Variants in GPC5 observed in about 807,000 individuals in gnomAD.
The protein encoded by GPC5 is glypican-5.
A neutral mutation model predicts 53.9 loss-of-function variants in GPC5; 47 were observed. That is an observed-to-expected ratio of 0.87 (90% CI 0.69 to 1.11). GPC5 has a LOEUF of 1.11. Ranked by LOEUF, GPC5 falls within the 50% of genes most tolerant of loss-of-function variation. The pLI, the probability that GPC5 is intolerant of heterozygous loss-of-function variation, is 0.00. For missense variants in GPC5, 748 were observed against 713.1 expected (o/e 1.05, Z -0.56); for synonymous variants, 286 against 263.3 (o/e 1.09, Z -0.84).
chr13:91,901,506 G>A (rs766552522), intron 5 of GPC5, among the ~76,000 whole-genome samples: 3 of 151,984 alleles, frequency 2.0e-5, no homozygotes, highest in Non-Finnish European at 2.9e-5. Context: ...TTTCAACATA[G>A]AGAAAAAGTG....
At chr13:92,150,036 C>T (rs983141036) in intron 7 of GPC5, among the ~76,000 whole-genome samples, 3 of 151,834 alleles carry the variant, frequency 2.0e-5, no homozygotes, top group African/African-American at 7.2e-5. Context: ...ATTCAGCTTA[C>T]TTTGTAAACT....
At chr13:92,245,426 A>C (rs11618010) in intron 7 of GPC5, among the ~76,000 whole-genome samples, 184 of 152,296 alleles carry the variant, frequency 1.2e-3, no homozygotes, top group Non-Finnish European at 2.3e-3. Flanking sequence ...TCTAAGAATA[A>C]GTTCGAAAAG....
chr13:92,749,285 A>T (rs781647148), intron 7 of GPC5, among the ~76,000 whole-genome samples: 1 of 152,158 alleles, frequency 6.6e-6, no homozygotes, highest in Non-Finnish European at 1.5e-5. Flanking sequence ...TTTTTTCAAT[A>T]TATTATGTAT....
At chr13:91,889,746 G>A (rs1348422871) in intron 5 of GPC5, among the ~76,000 whole-genome samples, 1 of 152,108 alleles carries the variant, frequency 6.6e-6, no homozygotes, top group Non-Finnish European at 1.5e-5. Flanking sequence ...CAAGGAATTT[G>A]CCAAGCCCTG....
chr13:92,163,306 C>A (rs932668367), intron 7 of GPC5, among the ~76,000 whole-genome samples: 1 of 151,866 alleles, frequency 6.6e-6, no homozygotes, highest in Non-Finnish European at 1.5e-5. Context: ...AGTAAAAATA[C>A]AGACCTCAGC....
intron 6 of GPC5, among the ~76,000 whole-genome samples, chr13:91,960,554 A>G (rs1170779624): frequency 6.6e-6 from 1 of 152,040 alleles, no homozygotes; most frequent in Non-Finnish European, 1.5e-5. Flanking sequence ...TAGAAATAGA[A>G]AAACAACTCT....
chr13:91,937,143 C>T (rs570260436), intron 6 of GPC5, among the ~76,000 whole-genome samples: 1 of 152,068 alleles, frequency 6.6e-6, no homozygotes, highest in African/African-American at 2.4e-5. Flanking sequence ...TTCTCTATGC[C>T]TATGACCCTT....
At chr13:92,747,581 G>T (rs1265449350) in intron 7 of GPC5, among the ~76,000 whole-genome samples, 2 of 152,106 alleles carry the variant, frequency 1.3e-5, no homozygotes, top group African/African-American at 4.8e-5. Flanking sequence ...GGATTGTATT[G>T]ATCATATATT....
intron 7 of GPC5, among the ~76,000 whole-genome samples, chr13:92,607,853 G>C (rs908944417): frequency 6.6e-6 from 1 of 152,010 alleles, no homozygotes; most frequent in Admixed American, 6.6e-5. Context: ...GAATTCTGCA[G>C]GCGCTTTACA....
intron 5 of GPC5, among the ~76,000 whole-genome samples, chr13:91,820,617 C>G (rs574184023): frequency 6.6e-6 from 1 of 152,242 alleles, no homozygotes; most frequent in Non-Finnish European, 1.5e-5. Context: ...GTTTGCTAAT[C>G]AGTAGAAACT....
chr13:92,173,491 G>C (rs114632233), intron 7 of GPC5, among the ~76,000 whole-genome samples: 6,558 of 152,212 alleles, frequency 0.043, 322 homozygotes, highest in African/African-American at 0.11. Flanking sequence ...GGGGAGTCTG[G>C]CACCTGCCTG....
chr13:92,549,150 G>T (rs911156542), intron 7 of GPC5, among the ~76,000 whole-genome samples: 3 of 152,066 alleles, frequency 2.0e-5, no homozygotes, highest in Non-Finnish European at 2.9e-5. Flanking sequence ...ACCTCTTTAA[G>T]TTGTGAGCTT....
intron 2 of GPC5, among the ~76,000 whole-genome samples, chr13:91,495,721 C>A (rs1030889551): frequency 6.6e-6 from 1 of 152,198 alleles, no homozygotes; most frequent in African/African-American, 2.4e-5. Context: ...ATAGGGAAAA[C>A]AAACACTGAT....
intron 2 of GPC5, among the ~76,000 whole-genome samples, chr13:91,647,560 C>T (rs748234922): frequency 1.1e-4 from 17 of 152,188 alleles, no homozygotes; most frequent in Non-Finnish European, 2.1e-4. Context: ...CCCTGTCGGG[C>T]ATCTGTGATG....
chr13:91,472,890 G>C (rs1031940196), intron 2 of GPC5, among the ~76,000 whole-genome samples: 6 of 152,100 alleles, frequency 3.9e-5, no homozygotes, highest in Admixed American at 1.3e-4. Context: ...GATTCTGCTA[G>C]GTGCTGAAAA....
intron 7 of GPC5, among the ~76,000 whole-genome samples, chr13:92,663,031 C>T (rs1260168996): frequency 3.9e-5 from 6 of 152,222 alleles, no homozygotes; most frequent in Admixed American, 2.0e-4. Context: ...AATGAACTCA[C>T]GCTAAGTAGA....
At chr13:91,924,311 A>T (rs141293269) in intron 6 of GPC5, among the ~76,000 whole-genome samples, 1 of 152,230 alleles carries the variant, frequency 6.6e-6, no homozygotes, top group Non-Finnish European at 1.5e-5. Context: ...CAAAAGCACA[A>T]AAGTCTTATT....
At chr13:91,451,828 G>A (rs1045949780) in intron 2 of GPC5, among the ~76,000 whole-genome samples, 7 of 151,620 alleles carry the variant, frequency 4.6e-5, no homozygotes, top group African/African-American at 1.5e-4. Context: ...ATGTTGACCA[G>A]GCTGGTCTTG....
At chr13:91,610,639 T>C (rs899749083) in intron 2 of GPC5, among the ~76,000 whole-genome samples, 3 of 152,248 alleles carry the variant, frequency 2.0e-5, no homozygotes, top group Admixed American at 2.0e-4. Flanking sequence ...TACTGTTTAG[T>C]TGATTTCATT....
Sources: gnomAD v4.1 joint callset for allele counts (sites outside exome capture counted in the v4.1 genomes callset) on GRCh38, gnomAD v4.1.1 for gene constraint, MANE v1.5 for transcripts, NCBI Gene and HGNC (gene_info 2026-07-23, HGNC 2026-07-21) for gene names.